The following KAT8 variants were observed in gnomAD, a reference collection of about 807,000 sequenced individuals.
The protein encoded by KAT8 is lysine acetyltransferase 8, also known as histone acetyltransferase KAT8.
Under a neutral mutation model 62.9 loss-of-function variants are expected in KAT8, and 40 were observed. The ratio of observed to expected loss-of-function variants is 0.64; its 90% CI spans 0.49 to 0.83. The LOEUF (loss-of-function observed/expected upper bound fraction) is 0.83, where lower values mean the gene tolerates loss of function less well. Ranked by LOEUF, KAT8 falls within the 40% of genes least tolerant of loss-of-function variation. The probability of loss-of-function intolerance (pLI) is 0.00; values close to 1 mark genes in which losing one functional copy is unlikely to be tolerated. For missense variants in KAT8, 387 were observed against 614.8 expected (o/e 0.63, Z 3.92); for synonymous variants, 278 against 254.5 (o/e 1.09, Z -0.88).
rs549333289 is a variant in KAT8, at chr16:31,119,893, C to T, written c.212-293C>T. Among the ~76,000 whole-genome samples, 3 of 151,666 alleles carry T rather than the reference C, an allele frequency of 2.0e-5. No homozygotes were observed. In the South Asian group the frequency reaches 6.2e-4, roughly 32 times the overall value. On this transcript the variant is annotated intron_variant, in intron 1 of 10. Transcript: ENST00000219797. ...ATGGGGTTTTGCCATGTTGACCAGG[C>T]TGGTCTCAAACTCCTGGCCTCAAGT...
chr16:31,130,017 A>G lies in KAT8; in HGVS notation c.772A>G (p.Ile258Val), dbSNP rs2057562514. Residue 258 changes from isoleucine to valine, a missense_variant and splice_region_variant, in exon 7 of 11, where the codon ATT (isoleucine) becomes GTT (valine). Ile to Val is a conservative substitution (Grantham distance 29). Around this residue, in one of 6 missense-constraint regions of KAT8, gnomAD observed 141 missense variants for 222.5 expected, o/e 0.63. Coordinates refer to ENST00000219797, the MANE Select transcript of KAT8 (RefSeq NM_032188.3). The part of the protein sequence containing the change: ...VYEVDGKDHK[I>V]YCQNLCLLAK... ...CTGTCTCCCCCCTCCTCAACCCTAG[A>G]TTTACTGTCAGAACCTGTGTCTGCT... The G allele has an allele frequency of 6.2e-7, 1 of 1,613,934 alleles. No individual in the cohort carries two copies. The highest frequency in any genetic ancestry group is 8.5e-7 in the Non-Finnish European group (1 of 1,179,966).
rs1271648397 is a variant in KAT8, at chr16:31,120,394, A to G, written c.342A>G (p.Thr114=). ...VDKNRLALTK[T]VKDAVQKNSE... ...AGAACCGGCTGGCGCTGACCAAGAC[A>G]GTGAAGGATGCTGTACAGAAGAACT... The change falls in exon 3 of 11, where the codon ACA becomes ACG. Residue 114 remains threonine, a synonymous_variant. Transcript: ENST00000219797. 6.2e-7 allele frequency: 1 copy of G among 1,613,950 alleles called. No homozygotes were observed. Among genetic ancestry groups the G allele is most frequent in the Non-Finnish European group, 8.5e-7 (1 of 1,180,008 alleles).
Position 31,126,947 on chromosome 16 carries a change from C to A in KAT8, c.463-88C>A. On this transcript the variant is annotated intron_variant, in intron 3 of 10. Transcript: ENST00000219797. ...CCATCCAGGAATGAGGTCTGGTAGACGGCAGGGAAGCCTTGTGGGTCCTGA... is the reference window on the plus strand; with the variant it reads ...CCATCCAGGAATGAGGTCTGGTAGAAGGCAGGGAAGCCTTGTGGGTCCTGA... 2.9e-6 allele frequency: 4 copies of A among 1,388,926 alleles called. No individual in the cohort carries two copies. The Admixed American group carries it at 5.1e-5, about 18-fold the overall frequency. The allele number at this position is 1,388,926 out of a possible 1,614,324, so 86.0% of individuals were successfully genotyped here.
At chr16:31,121,368 A>G (rs904775455) in intron 3 of KAT8, among the ~76,000 whole-genome samples, 1 of 151,928 alleles carries the variant, frequency 6.6e-6, no homozygotes, top group African/African-American at 2.4e-5. Flanking sequence ...TGATCTGCCC[A>G]CCTCGGCCTC....
At chr16:31,131,024 G>A in intron 10 of KAT8, 124 bp downstream of exon 10, 1 of 1,510,430 alleles carries the variant, frequency 6.6e-7, no homozygotes, top group Non-Finnish European at 8.9e-7. Flanking sequence ...TCCCAGGATG[G>A]AGCCCGGGGC....
intron 3 of KAT8, chr16:31,126,784 C>T (rs571694523): frequency 1.9e-6 from 1 of 518,266 alleles, no homozygotes; most frequent in Non-Finnish European, 3.4e-6. Flanking sequence ...TAACCCTGTT[C>T]ATCTGGCAAA....
At chr16:31,125,163 G>T (rs145099608) in intron 3 of KAT8, among the ~76,000 whole-genome samples, 2,496 of 151,830 alleles carry the variant, frequency 0.016, 51 homozygotes, top group African/African-American at 0.049. Context: ...CTGCACTCCA[G>T]CCTGGGCGAC....
At chr16:31,120,675 G>A (rs2057486379) in intron 3 of KAT8, 161 bp downstream of exon 3, 1 of 668,254 alleles carries the variant, frequency 1.5e-6, no homozygotes, top group Non-Finnish European at 2.5e-6. Flanking sequence ...ACTTTTCATA[G>A]GTAAGAAAAC....
intron 1 of KAT8, among the ~76,000 whole-genome samples, chr16:31,119,375 CTT>C (rs1368429970): frequency 6.6e-6 from 1 of 152,120 alleles, no homozygotes; most frequent in Admixed American, 6.6e-5. Flanking sequence ...GTTTTGACCT[CTT>C]AACCTCGTGA....
chr16:31,120,751 C>T (rs1201858445), intron 3 of KAT8: 7 of 469,818 alleles, frequency 1.5e-5, no homozygotes, highest in Non-Finnish European at 2.7e-5. Flanking sequence ...GACTAGAACT[C>T]AGGCCTCCGG....
At chr16:31,121,779 G>A (rs59735493) in intron 3 of KAT8, among the ~76,000 whole-genome samples, 56,434 of 151,174 alleles carry the variant, frequency 0.37, 11,680 homozygotes, top group South Asian at 0.69. Context: ...TTGAGACAGC[G>A]TCTTACTCTA....
intron 3 of KAT8, chr16:31,122,260 T>G (rs2057500424): frequency 6.6e-6 from 1 of 152,222 alleles, no homozygotes; most frequent in Non-Finnish European, 1.5e-5. Context: ...TTGCACTTTA[T>G]TAAGTGTAGG....
chr16:31,118,063 G>C, intron 1 of KAT8, 171 bp downstream of exon 1: 2 of 489,182 alleles, frequency 4.1e-6, no homozygotes, highest in South Asian at 5.7e-5. Flanking sequence ...GAAACCAGCC[G>C]GGTTGTGGGA....
chr16:31,129,950 C>G, intron 6 of KAT8, 67 bp from the exon 7 acceptor site: 2 of 1,575,278 alleles, frequency 1.3e-6, no homozygotes, highest in East Asian at 2.2e-5. Flanking sequence ...TGGTGCCGGC[C>G]GCTGGAACCA....
At chr16:31,131,068 C>T in intron 10 of KAT8, 127 bp from the exon 11 acceptor site, 4 of 1,511,100 alleles carry the variant, frequency 2.6e-6, no homozygotes, top group South Asian at 2.6e-5. Flanking sequence ...CTACCCCTCC[C>T]CAGCACAGCC....
intron 6 of KAT8, 35 bp downstream of exon 6, chr16:31,128,174 G>C (rs761035921): frequency 4.6e-6 from 7 of 1,535,788 alleles, no homozygotes; most frequent in Admixed American, 1.7e-5. Context: ...AGAGGCCGGG[G>C]AGGCCCTGGG....
chr16:31,125,610 A>G (rs543725381), intron 3 of KAT8: 11 of 152,606 alleles, frequency 7.2e-5, no homozygotes, highest in African/African-American at 2.4e-4. Context: ...TCTCAAAAAA[A>G]AAAAAAAAAA....
At chr16:31,120,755 C>T (rs905169992) in intron 3 of KAT8, 1 of 458,020 alleles carries the variant, frequency 2.2e-6, no homozygotes, top group African/African-American at 1.9e-5. Context: ...AGAACTCAGG[C>T]CTCCGGCACT....
intron 3 of KAT8, 151 bp from the exon 4 acceptor site, chr16:31,126,880 GAACC>G: frequency 1.3e-6 from 1 of 760,782 alleles, no homozygotes. Flanking sequence ...GCCAGCTTCA[GAACC>G]AAGTCAGATA....
Sources: gnomAD v4.1 joint callset for allele counts (sites outside exome capture counted in the v4.1 genomes callset) on GRCh38, gnomAD v4.1.1 for gene constraint, gnomAD v4.1.1 regional missense constraint, MANE v1.5 for transcripts, NCBI Gene and HGNC (gene_info 2026-07-23, HGNC 2026-07-21) for gene names.